The following SPATS2 variants were observed in gnomAD, a reference collection of about 807,000 sequenced individuals.
The protein encoded by SPATS2 is spermatogenesis associated serine rich 2.
SPATS2 carries 38 observed loss-of-function variants against 63.7 expected under a neutral mutation model. The ratio of observed to expected loss-of-function variants is 0.60; its 90% CI spans 0.46 to 0.78. SPATS2 has a LOEUF of 0.78. Ranked by LOEUF, SPATS2 falls within the 30% of genes least tolerant of loss-of-function variation. The probability of loss-of-function intolerance (pLI) is 0.00; values close to 1 mark genes in which losing one functional copy is unlikely to be tolerated. For synonymous variants in SPATS2, 207 were observed against 232.9 expected (o/e 0.89, Z 1.01); for missense variants, 588 against 666.2 (o/e 0.88, Z 1.29).
chr12:49,475,427 C>CTTA (rs138371028), intron 3 of SPATS2, among the ~76,000 whole-genome samples: 2 of 151,274 alleles, frequency 1.3e-5, no homozygotes, highest in African/African-American at 4.9e-5. Flanking sequence ...TGGTAGAATT[C>CTTA]TTGTTGTTGT....
At position 49,398,135 on chromosome 12, in the gene SPATS2, C is replaced by CAAAAAAAA. The variant is rs71080193; in HGVS notation, c.-244+26863_-244+26870dup. ...TGGGAGACAGAGGGAGACCCTGTCT[C>CAAAAAAAA]AAAAAAAAAAAAAAAAAAAAAAAAA... On this transcript the variant is annotated intron_variant, in intron 2 of 13. Coordinates refer to ENST00000552918, the MANE Select transcript of SPATS2 (RefSeq NM_023071.4). Among the ~76,000 whole-genome samples the CAAAAAAAA allele has an allele frequency of 1.3e-3, 61 of 45,318 alleles. 1 individual carries two copies. The highest frequency in any genetic ancestry group is 3.1e-3 in the African/African-American group (37 of 12,106). The allele number at this position is 45,318 out of a possible 152,430, so 29.7% of individuals were successfully genotyped here.
intron 10 of SPATS2, among the ~76,000 whole-genome samples, chr12:49,515,979 A>G (rs188838162): frequency 1.3e-5 from 2 of 151,134 alleles, no homozygotes; most frequent in African/African-American, 4.9e-5. Context: ...GTCTCTACTA[A>G]AAATACAAAA....
intron 9 of SPATS2, chr12:49,512,736 A>G: frequency 2.1e-6 from 1 of 479,316 alleles, no homozygotes; most frequent in East Asian, 8.1e-5. Flanking sequence ...TGTCAGAGAA[A>G]AAGGATTTGT....
chr12:49,426,790 G>T (rs985980222), intron 2 of SPATS2, among the ~76,000 whole-genome samples: 3 of 152,244 alleles, frequency 2.0e-5, no homozygotes, highest in Middle Eastern at 3.4e-3. Flanking sequence ...TGATCCTCCC[G>T]CCTCGGCCTC....
chr12:49,461,230 A>G (rs1004141899), intron 3 of SPATS2, 193 bp downstream of exon 3: 17 of 606,464 alleles, frequency 2.8e-5, no homozygotes, highest in Admixed American at 2.3e-4. Flanking sequence ...TACTCACACA[A>G]ACTTAGCAAA....
chr12:49,524,543 A>G, intron 12 of SPATS2, 139 bp from the exon 13 acceptor site: 1 of 839,088 alleles, frequency 1.2e-6, no homozygotes. Flanking sequence ...TCTTCCTGTT[A>G]CCAGTTTTAT....
At chr12:49,454,385 G>GGT (rs1945681772) in intron 2 of SPATS2, 1 of 152,240 alleles carries the variant, frequency 6.6e-6, no homozygotes, top group African/African-American at 2.4e-5. Flanking sequence ...TGGACAAAGA[G>GGT]GTAGGGGAAA....
chr12:49,458,673 G>A lies in SPATS2; in HGVS notation c.-243-2097G>A, dbSNP rs569411029. Among the ~76,000 whole-genome samples the A allele has an allele frequency of 1.2e-4, 18 of 151,642 alleles. 1 individual carries two copies. Among genetic ancestry groups the A allele is most frequent in the South Asian group, 8.3e-4 (4 of 4,804 alleles). ...TGCATGCCTACAATTCCAGCTACAC[G>A]GGAGCCTGAGGCGGAAGAAATGTTG... On this transcript the variant is annotated intron_variant, in intron 2 of 13. Transcript: ENST00000552918.
intron 2 of SPATS2, among the ~76,000 whole-genome samples, chr12:49,396,776 T>G (rs1245511970): frequency 6.6e-6 from 1 of 152,262 alleles, no homozygotes. Context: ...TCTTAATTTA[T>G]GCTCAGTTCC....
At chr12:49,373,430 G>C (rs781574048) in intron 2 of SPATS2, among the ~76,000 whole-genome samples, 1 of 152,202 alleles carries the variant, frequency 6.6e-6, no homozygotes, top group South Asian at 2.1e-4. Flanking sequence ...TAGGTGGTCT[G>C]TCTGAAACCC....
At chr12:49,369,589 G>A (rs898255106) in intron 1 of SPATS2, among the ~76,000 whole-genome samples, 1 of 152,122 alleles carries the variant, frequency 6.6e-6, no homozygotes, top group Non-Finnish European at 1.5e-5. Flanking sequence ...GCATGAACTG[G>A]TTGAAACTTG....
intron 2 of SPATS2, among the ~76,000 whole-genome samples, chr12:49,437,578 G>A (rs1945336483): frequency 6.6e-6 from 1 of 152,212 alleles, no homozygotes; most frequent in Non-Finnish European, 1.5e-5. Flanking sequence ...TGCCATCCCG[G>A]CACCTCGGGA....
At chr12:49,479,157 G>A (rs1479756885) in intron 3 of SPATS2, among the ~76,000 whole-genome samples, 1 of 152,198 alleles carries the variant, frequency 6.6e-6, no homozygotes, top group Non-Finnish European at 1.5e-5. Context: ...CCTTAGAGGG[G>A]AGAAAGTGCG....
intron 2 of SPATS2, among the ~76,000 whole-genome samples, chr12:49,446,246 T>A (rs1945509110): frequency 6.6e-6 from 1 of 152,190 alleles, no homozygotes; most frequent in Non-Finnish European, 1.5e-5. Context: ...GGTTGCAGTA[T>A]CAGGGAAACA....
At chr12:49,470,946 C>T (rs1946024462) in intron 3 of SPATS2, among the ~76,000 whole-genome samples, 1 of 152,128 alleles carries the variant, frequency 6.6e-6, no homozygotes, top group African/African-American at 2.4e-5. Context: ...TTTTTAAAAA[C>T]TTTGAAGGTA....
intron 5 of SPATS2, chr12:49,490,097 C>G (rs895431257): frequency 6.5e-5 from 10 of 153,058 alleles, no homozygotes; most frequent in African/African-American, 2.4e-4. Context: ...AACCTTCCTT[C>G]CATGTAACCT....
intron 2 of SPATS2, among the ~76,000 whole-genome samples, chr12:49,375,335 A>G (rs950142507): frequency 3.9e-5 from 6 of 152,156 alleles, no homozygotes; most frequent in African/African-American, 1.4e-4. Context: ...TGCCAATGAT[A>G]TTACTTCTTA....
chr12:49,452,193 T>C lies in SPATS2; in HGVS notation c.-243-8577T>C, dbSNP rs554483320. ...GTTTTTGGTCACCATTTTTGTCCTCTTTCACATCACTTCTTCTGGGGCTTC... is the reference window on the plus strand; with the variant it reads ...GTTTTTGGTCACCATTTTTGTCCTCCTTCACATCACTTCTTCTGGGGCTTC... On this transcript the variant is annotated intron_variant, in intron 2 of 13. Coordinates refer to ENST00000552918, the MANE Select transcript of SPATS2 (RefSeq NM_023071.4). 2.0e-5 allele frequency among the ~76,000 whole-genome samples: 3 copies of C among 152,358 alleles called. No homozygotes were observed. The East Asian group carries it at 5.8e-4, about 29-fold the overall frequency.
chr12:49,375,631 G>C (rs929146624), intron 2 of SPATS2, among the ~76,000 whole-genome samples: 6 of 152,162 alleles, frequency 3.9e-5, no homozygotes, highest in Non-Finnish European at 5.9e-5. Flanking sequence ...AATTGCTCTT[G>C]TAATCTACCT....
Sources: gnomAD v4.1 joint callset for allele counts (sites outside exome capture counted in the v4.1 genomes callset) on GRCh38, gnomAD v4.1.1 for gene constraint, MANE v1.5 for transcripts, NCBI Gene and HGNC (gene_info 2026-07-23, HGNC 2026-07-21) for gene names.